SKAP2: variants seen among roughly 807,000 people sequenced by gnomAD.
SKAP2 encodes src kinase associated phosphoprotein 2.
SKAP2 carries 28 observed loss-of-function variants against 54.9 expected under a neutral mutation model. The ratio of observed to expected loss-of-function variants is 0.51; its 90% CI spans 0.38 to 0.70. SKAP2 has a LOEUF of 0.70. SKAP2 is among the 30% of genes least tolerant of loss of function. The pLI is 0.00. For synonymous variants in SKAP2, 137 were observed against 134.3 expected (o/e 1.02, Z -0.14); for missense variants, 356 against 424.1 (o/e 0.84, Z 1.41).
intron 6 of SKAP2, among the ~76,000 whole-genome samples, chr7:26,730,176 T>C (rs895862645): frequency 2.6e-5 from 4 of 152,208 alleles, no homozygotes; most frequent in African/African-American, 9.7e-5. Flanking sequence ...TTCACATTAG[T>C]TTCTCTTCTG....
intron 4 of SKAP2, among the ~76,000 whole-genome samples, chr7:26,805,651 A>C (rs1421365040): frequency 6.6e-6 from 1 of 152,232 alleles, no homozygotes; most frequent in Non-Finnish European, 1.5e-5. Context: ...CAGCCATGTG[A>C]GTGAGCCTCC....
intron 4 of SKAP2, among the ~76,000 whole-genome samples, chr7:26,741,538 C>CTAAA (rs370860741): frequency 0.018 from 1,486 of 80,502 alleles, 10 homozygotes; most frequent in Admixed American, 0.027. Flanking sequence ...GACCCTGTCT[C>CTAAA]TAAATAAATA....
chr7:26,677,394 TA>T (rs1322136047), intron 11 of SKAP2, among the ~76,000 whole-genome samples: 6,846 of 72,982 alleles, frequency 0.094, 287 homozygotes, highest in East Asian at 0.37. Flanking sequence ...TCTGTCTCAA[TA>T]AAAAAAAAAA....
intron 5 of SKAP2, 107 bp from the exon 6 acceptor site, chr7:26,738,985 T>C (rs1782369911): frequency 1.4e-6 from 1 of 710,538 alleles, no homozygotes; most frequent in South Asian, 1.7e-5. Flanking sequence ...TGTGACTAAT[T>C]TGTATCTTCT....
At chr7:26,732,254 C>G (rs921836476) in intron 6 of SKAP2, among the ~76,000 whole-genome samples, 4 of 152,154 alleles carry the variant, frequency 2.6e-5, no homozygotes, top group Non-Finnish European at 5.9e-5. Context: ...ATGGCACTCA[C>G]TGATTGATGG....
chr7:26,854,681 G>A (rs1246890207), intron 2 of SKAP2, 104 bp downstream of exon 2: 1 of 1,180,100 alleles, frequency 8.5e-7, no homozygotes, highest in East Asian at 2.6e-5. Flanking sequence ...AGTTAAACTG[G>A]AACATGAAAA....
intron 4 of SKAP2, among the ~76,000 whole-genome samples, chr7:26,758,766 A>G (rs759118254): frequency 4.6e-5 from 7 of 152,246 alleles, no homozygotes; most frequent in Admixed American, 6.5e-5. Context: ...AAATTTTTAG[A>G]GTAATAAAAA....
intron 6 of SKAP2, among the ~76,000 whole-genome samples, chr7:26,734,651 T>C (rs1562591469): frequency 6.6e-6 from 1 of 152,176 alleles, no homozygotes; most frequent in Non-Finnish European, 1.5e-5. Flanking sequence ...GGTCAGTGCC[T>C]AGTGAGGGCT....
chr7:26,757,849 C>T (rs1342870789), intron 4 of SKAP2, among the ~76,000 whole-genome samples: 2 of 152,144 alleles, frequency 1.3e-5, no homozygotes, highest in Non-Finnish European at 2.9e-5. Flanking sequence ...GCAACCTCTG[C>T]CTCCCAGGTT....
intron 4 of SKAP2, among the ~76,000 whole-genome samples, chr7:26,762,463 A>C (rs908797575): frequency 1.3e-5 from 2 of 152,154 alleles, no homozygotes; most frequent in Non-Finnish European, 2.9e-5. Flanking sequence ...AAATGTATGC[A>C]TATGTACATG....
intron 4 of SKAP2, among the ~76,000 whole-genome samples, chr7:26,813,294 A>G (rs181307277): frequency 7.9e-5 from 12 of 152,266 alleles, no homozygotes; most frequent in African/African-American, 2.4e-4. Context: ...CCTCCTTGAT[A>G]ATATATTAAA....
At chr7:26,846,772 G>A (rs1443922354) in intron 3 of SKAP2, among the ~76,000 whole-genome samples, 1 of 152,192 alleles carries the variant, frequency 6.6e-6, no homozygotes, top group Non-Finnish European at 1.5e-5. Context: ...CCTGAGCTCA[G>A]GAGTTTGAGA....
chr7:26,857,810 T>C (rs1012540601), intron 1 of SKAP2: 4 of 857,776 alleles, frequency 4.7e-6, no homozygotes, highest in Admixed American at 6.2e-5. Flanking sequence ...CAAGTGTTCC[T>C]CTGGCTGGTT....
chr7:26,684,079 A>G (rs1786574263), intron 11 of SKAP2, among the ~76,000 whole-genome samples: 1 of 152,154 alleles, frequency 6.6e-6, no homozygotes, highest in Admixed American at 6.6e-5. Flanking sequence ...CTTGACTTTT[A>G]GATCTAAGGA....
chr7:26,706,438 ATATTCTGAGTAAAATC>A lies in SKAP2; in HGVS notation c.797-16092_797-16077del, dbSNP rs1194687704. Among the ~76,000 whole-genome samples the A allele has an allele frequency of 5.3e-5, 8 of 152,276 alleles. No homozygotes were observed. The East Asian group carries it at 1.5e-3, about 29-fold the overall frequency. On this transcript the variant is annotated intron_variant, in intron 9 of 12. Coordinates refer to ENST00000345317, the MANE Select transcript of SKAP2 (RefSeq NM_003930.5). ...TGAACAGTCTTCTTTCCAACCAGGA[ATATTCTGAGTAAAATC>A]TATATCCTACTGCAGCAGATTCAAG...
At chr7:26,861,413 T>C (rs1785268813) in intron 1 of SKAP2, among the ~76,000 whole-genome samples, 1 of 152,146 alleles carries the variant, frequency 6.6e-6, no homozygotes. Context: ...CTGTAATGCA[T>C]ATGGCAGCTC....
At chr7:26,763,670 A>G (rs758990505) in intron 4 of SKAP2, among the ~76,000 whole-genome samples, 13 of 152,222 alleles carry the variant, frequency 8.5e-5, no homozygotes, top group Non-Finnish European at 1.9e-4. Context: ...ACAGTCATGC[A>G]TCACTTAACA....
intron 3 of SKAP2, among the ~76,000 whole-genome samples, chr7:26,850,175 A>G (rs34601414): frequency 2.0e-5 from 3 of 152,232 alleles, no homozygotes; most frequent in Non-Finnish European, 2.9e-5. Flanking sequence ...GTGATAGAGA[A>G]CAATGCTGAA....
At chr7:26,691,209 T>C (rs1786772723) in intron 9 of SKAP2, among the ~76,000 whole-genome samples, 1 of 152,182 alleles carries the variant, frequency 6.6e-6, no homozygotes, top group African/African-American at 2.4e-5. Context: ...CACTCACCTA[T>C]ACCATTCCTT....
Sources: allele counts gnomAD v4.1 joint callset (sites outside exome capture counted in the v4.1 genomes callset), GRCh38; gene constraint gnomAD v4.1.1; transcripts MANE v1.5; gene names NCBI Gene and HGNC (gene_info 2026-07-23, HGNC 2026-07-21).